Variants in PPL observed in about 807,000 individuals in gnomAD.
The protein encoded by PPL is 190 kDa paraneoplastic pemphigus antigen.
A neutral mutation model predicts 194.4 loss-of-function variants in PPL; 198 were observed. The ratio of observed to expected loss-of-function variants is 1.02; its 90% confidence interval spans 0.91 to 1.15. PPL has a LOEUF of 1.15. Ranked by LOEUF, PPL falls within the 50% of genes most tolerant of loss-of-function variation. The probability of loss-of-function intolerance (pLI) is 0.00; values close to 1 mark genes in which losing one functional copy is unlikely to be tolerated. For missense variants in PPL, 2,885 were observed against 2,294.8 expected, an observed-to-expected ratio of 1.26 and a Z score of -5.25; for synonymous variants, 1,220 against 972.4, an observed-to-expected ratio of 1.25 and a Z score of -4.74.
At chr16:4,922,262 G>A (rs570166577) in intron 1 of PPL, among the ~76,000 whole-genome samples, 29 of 152,300 alleles carry the variant, frequency 1.9e-4, no homozygotes, top group African/African-American at 6.7e-4. Context: ...GCTGTGGTGG[G>A]GGTGACTGAG....
chr16:4,910,592 A>G (rs562446333), intron 2 of PPL, among the ~76,000 whole-genome samples: 1 of 152,260 alleles, frequency 6.6e-6, no homozygotes, highest in East Asian at 1.9e-4. Flanking sequence ...GGTTCCTCTC[A>G]CAGAGCAGGG....
At position 4,899,246 on chromosome 16, in the gene PPL, G is replaced by A. The variant is rs201966791; in HGVS notation, c.745C>T (p.Pro249Ser). 9.3e-6 allele frequency: 15 copies of A among 1,613,928 alleles called. No individual in the cohort carries two copies. The Admixed American group carries it at 2.5e-4, about 27-fold the overall frequency. ...YDWSDRNLDY[P>S]SRRRQYENFI... ...ACCTCATACTGGCGCCGGCGGCTGGGGTAGTCGAGGTTGCGGTCACTCCAG... is the reference window on the plus strand; with the variant it reads ...ACCTCATACTGGCGCCGGCGGCTGGAGTAGTCGAGGTTGCGGTCACTCCAG... The change falls in exon 7 of 22, where the codon CCC (proline) becomes TCC (serine). Residue 249 changes from proline (P) to serine (S), a missense_variant. By Grantham distance (74) the Pro-to-Ser change is moderately conservative. Coordinates refer to ENST00000345988, the MANE Select transcript of PPL (RefSeq NM_002705.5).
In PPL at chr16:4,884,069, C is replaced by T. The variant is rs1053601319; in HGVS notation, c.4586G>A (p.Ser1529Asn). ...LKSSLEEESR[S>N]KRELDVEVSR... ...CACCTCGACGTCCAGCTCGCGCTTG[C>T]TGCGGCTCTCCTCCTCCAGGCTGCT... is the stretch of plus-strand genomic sequence containing the variant. The change falls in exon 22 of 22, where the codon AGC (serine) becomes AAC (asparagine). Residue 1529 changes from serine (S) to asparagine (N), a missense_variant. By Grantham distance (46) the Ser-to-Asn change is conservative. Coordinates refer to ENST00000345988, the MANE Select transcript of PPL (RefSeq NM_002705.5). This position sits in a 1 kb window ranked among gnomAD's most constrained non-coding sequence, Gnocchi z 5.7. The T allele has an allele frequency of 3.1e-6, 5 of 1,613,066 alleles. No individual in the cohort carries two copies. The Admixed American group carries it at 6.7e-5, about 22-fold the overall frequency.
chr16:4,898,873 G>A, intron 8 of PPL, 140 bp downstream of exon 8: 1 of 673,728 alleles, frequency 1.5e-6, no homozygotes. Context: ...GTCAGACACA[G>A]CAAGAAAGAG....
At chr16:4,927,150 G>C (rs776467126) in intron 1 of PPL, among the ~76,000 whole-genome samples, 2 of 152,128 alleles carry the variant, frequency 1.3e-5, no homozygotes, top group East Asian at 3.9e-4. Flanking sequence ...AAGACTCTCC[G>C]GTGAGATTAC....
chr16:4,886,283 G>A (rs754371177), intron 21 of PPL, among the ~76,000 whole-genome samples: 1 of 152,096 alleles, frequency 6.6e-6, no homozygotes, highest in Non-Finnish European at 1.5e-5. Flanking sequence ...ATGAAACCAC[G>A]GTCTCCCACC....
chr16:4,899,418 C>T, intron 6 of PPL, 34 bp from the exon 7 acceptor site: 1 of 1,508,916 alleles, frequency 6.6e-7, no homozygotes, highest in South Asian at 1.2e-5. Flanking sequence ...GGGCTGCGTC[C>T]TCAGCCCGCT....
chr16:4,913,031 G>C (rs1274895176), intron 1 of PPL, among the ~76,000 whole-genome samples: 1 of 152,018 alleles, frequency 6.6e-6, no homozygotes, highest in Non-Finnish European at 1.5e-5. Flanking sequence ...TTGAACCTGG[G>C]AGGTGGAGGT....
chr16:4,931,146 T>C (rs989670461), intron 1 of PPL, among the ~76,000 whole-genome samples: 2 of 152,124 alleles, frequency 1.3e-5, no homozygotes, highest in African/African-American at 4.8e-5. Context: ...AGAGGCTCAC[T>C]TGAGCCCAGG....
chr16:4,885,645 T>C lies in PPL; in HGVS notation c.3010A>G (p.Arg1004Gly), dbSNP rs780903262. The change falls in exon 22 of 22, where the codon AGG becomes GGG. Residue 1004 changes from arginine (R) to glycine (G), a missense_variant. Arg to Gly is a moderately radical substitution (Grantham distance 125, BLOSUM62 -2). Transcript: ENST00000345988. This position sits in a 1 kb window ranked among gnomAD's most constrained non-coding sequence, Gnocchi z 6.3. ...TGCAAGACCTCATCCGCCTGGGCCCTGTCAGGCTCGATGCGCAGGACCTCC... is the reference window on the plus strand; with the variant it reads ...TGCAAGACCTCATCCGCCTGGGCCCCGTCAGGCTCGATGCGCAGGACCTCC... ...VKEVLRIEPDRAQADEVLQLR... is the reference protein window; with the variant it reads ...VKEVLRIEPDGAQADEVLQLR... 13 of 1,612,486 alleles carry C rather than the reference T, an allele frequency of 8.1e-6. No homozygotes were observed. The South Asian group carries it at 1.3e-4, about 16-fold the overall frequency.
chr16:4,926,893 C>A (rs2908664), intron 1 of PPL, among the ~76,000 whole-genome samples: 67,929 of 107,920 alleles, frequency 0.63, 21,014 homozygotes, highest in Non-Finnish European at 0.73. Flanking sequence ...AAAAAAAAAA[C>A]AAAAAAAAAC....
At chr16:4,894,741 C>T (rs1596551125) in intron 11 of PPL, 123 bp from the exon 12 acceptor site, 3 of 1,138,256 alleles carry the variant, frequency 2.6e-6, no homozygotes, top group Admixed American at 2.6e-5. Flanking sequence ...GGACCCTCCC[C>T]GTAGAGTGGG....
intron 1 of PPL, among the ~76,000 whole-genome samples, chr16:4,920,120 C>A (rs2089006979): frequency 6.6e-6 from 1 of 151,332 alleles, no homozygotes; most frequent in Admixed American, 6.6e-5. Context: ...TCCGTCTCTA[C>A]TAAAATACAA....
chr16:4,935,643 C>T (rs750777630), intron 1 of PPL, among the ~76,000 whole-genome samples: 1 of 151,584 alleles, frequency 6.6e-6, no homozygotes. Context: ...AACGGAGATA[C>T]GGGTGGGTGG....
At chr16:4,889,482 C>G (rs899152733) in intron 18 of PPL, among the ~76,000 whole-genome samples, 2 of 151,774 alleles carry the variant, frequency 1.3e-5, no homozygotes, top group Non-Finnish European at 2.9e-5. Context: ...TGGTCTTGAA[C>G]TCCTGAACTT....
At position 4,916,431 on chromosome 16, in the gene PPL, C is replaced by T. The variant is rs562756453; in HGVS notation, c.63-5482G>A. ...TTTGCCATGTTGGCCAGGCTGGTCT[C>T]GAACTCCTGACCTCAGGTGATGCAC... On this transcript the variant is annotated intron_variant, in intron 1 of 21. Coordinates refer to ENST00000345988, the MANE Select transcript of PPL (RefSeq NM_002705.5). Among the ~76,000 whole-genome samples the T allele has an allele frequency of 5.9e-5, 9 of 152,068 alleles. No homozygotes were observed. The East Asian group carries it at 1.6e-3, about 26-fold the overall frequency.
intron 1 of PPL, among the ~76,000 whole-genome samples, chr16:4,912,873 G>A (rs1358145247): frequency 6.6e-6 from 1 of 152,200 alleles, no homozygotes; most frequent in Admixed American, 6.5e-5. Context: ...GGAGGCCAAG[G>A]CGGGCGAATC....
chr16:4,911,706 T>C (rs1203066918), intron 1 of PPL, among the ~76,000 whole-genome samples: 2 of 151,526 alleles, frequency 1.3e-5, no homozygotes, highest in African/African-American at 4.9e-5. Flanking sequence ...GCATAACTTT[T>C]ACATTTCTTT....
At chr16:4,935,846 C>G (rs1418464723) in intron 1 of PPL, among the ~76,000 whole-genome samples, 1 of 152,178 alleles carries the variant, frequency 6.6e-6, no homozygotes. Flanking sequence ...TGCTTGAGGG[C>G]ACAGTGGGGG....
Sources: gnomAD v4.1 joint callset for allele counts (sites outside exome capture counted in the v4.1 genomes callset) on GRCh38, gnomAD v4.1.1 for gene constraint, Gnocchi (gnomAD v3.1) non-coding constraint, MANE v1.5 for transcripts, NCBI Gene and HGNC (gene_info 2026-07-23, HGNC 2026-07-21) for gene names.